NRG3: variants seen among roughly 807,000 people sequenced by gnomAD.
NRG3 encodes the protein neuregulin 3.
NRG3 carries 31 observed loss-of-function variants against 66.9 expected under a neutral mutation model. The observed-to-expected ratio is 0.46, with a 90% CI of 0.35 to 0.63. The LOEUF (loss-of-function observed/expected upper bound fraction) is 0.63, where lower values mean the gene tolerates loss of function less well. Ranked by LOEUF, NRG3 falls within the 20% of genes least tolerant of loss-of-function variation. The pLI, the probability that NRG3 is intolerant of heterozygous loss-of-function variation, is 0.00. For synonymous variants in NRG3, 393 were observed against 359.4 expected (o/e 1.09, Z -1.06); for missense variants, 910 against 878.9 (o/e 1.04, Z -0.45).
intron 2 of NRG3, among the ~76,000 whole-genome samples, chr10:82,523,022 G>A (rs898390033): frequency 1.3e-5 from 2 of 152,132 alleles, no homozygotes; most frequent in African/African-American, 4.8e-5. Flanking sequence ...ATCATGAACT[G>A]TGTACACCTT....
At chr10:82,083,008 T>C (rs2065482693) in intron 1 of NRG3, among the ~76,000 whole-genome samples, 1 of 151,888 alleles carries the variant, frequency 6.6e-6, no homozygotes, top group African/African-American at 2.4e-5. Flanking sequence ...GGTACAATCA[T>C]AGCTCACACT....
At chr10:82,660,196 C>CAAAAAAAAAAAAAAAAAA (rs58870828) in intron 2 of NRG3, among the ~76,000 whole-genome samples, 4 of 19,560 alleles carry the variant, frequency 2.0e-4, no homozygotes, top group African/African-American at 4.9e-4. Flanking sequence ...AACTCCCTCT[C>CAAAAAAAAAAAAAAAAAA]AAAAAAAAAA....
chr10:82,174,046 C>T (rs1036886853), intron 1 of NRG3, among the ~76,000 whole-genome samples: 6 of 151,980 alleles, frequency 3.9e-5, no homozygotes, highest in Non-Finnish European at 2.9e-5. Flanking sequence ...CAGTGGCTAC[C>T]GGAAATTACC....
chr10:82,246,253 A>G (rs2077238962), intron 1 of NRG3, among the ~76,000 whole-genome samples: 1 of 152,154 alleles, frequency 6.6e-6, no homozygotes. Context: ...ATCTGAAGAC[A>G]GTGATATTAG....
intron 1 of NRG3, among the ~76,000 whole-genome samples, chr10:81,909,143 T>C (rs1844876644): frequency 6.6e-6 from 1 of 152,214 alleles, no homozygotes; most frequent in South Asian, 2.1e-4. Flanking sequence ...ATCCTTGGCA[T>C]TCCTTGGCTT....
At chr10:82,098,335 CAT>C (rs146083601) in intron 1 of NRG3, among the ~76,000 whole-genome samples, 2 of 150,818 alleles carry the variant, frequency 1.3e-5, no homozygotes, top group Admixed American at 6.6e-5. Context: ...ATATATATGA[CAT>C]ATATATAGAT....
intron 1 of NRG3, among the ~76,000 whole-genome samples, chr10:82,338,528 T>C (rs1447177781): frequency 6.6e-6 from 1 of 152,200 alleles, no homozygotes; most frequent in Non-Finnish European, 1.5e-5. Flanking sequence ...TTCCTCACTT[T>C]CCACCCCAGG....
chr10:82,483,542 T>C (rs1484503988), intron 2 of NRG3, among the ~76,000 whole-genome samples: 1 of 152,234 alleles, frequency 6.6e-6, no homozygotes, highest in African/African-American at 2.4e-5. Context: ...GTAGTAGATG[T>C]AGTAGGTGTT....
At chr10:82,031,639 T>C (rs1346343656) in intron 1 of NRG3, among the ~76,000 whole-genome samples, 1 of 152,094 alleles carries the variant, frequency 6.6e-6, no homozygotes. Flanking sequence ...CTGCCACATA[T>C]GTAACAAAAG....
At chr10:82,198,469 T>A (rs1188409285) in intron 1 of NRG3, among the ~76,000 whole-genome samples, 1 of 152,160 alleles carries the variant, frequency 6.6e-6, no homozygotes, top group Admixed American at 6.5e-5. Context: ...TGCTGACTAT[T>A]TGAGTGGGAT....
At chr10:82,137,693 A>T (rs577696502) in intron 1 of NRG3, among the ~76,000 whole-genome samples, 1 of 152,228 alleles carries the variant, frequency 6.6e-6, no homozygotes, top group Non-Finnish European at 1.5e-5. Context: ...CAAAAAACAT[A>T]ACCCAGGCTT....
At chr10:82,896,078 G>A (rs563396405) in intron 4 of NRG3, among the ~76,000 whole-genome samples, 4 of 152,202 alleles carry the variant, frequency 2.6e-5, no homozygotes, top group Non-Finnish European at 4.4e-5. Flanking sequence ...TTTGAGTGGT[G>A]TTTAAGAAAT....
chr10:82,078,582 C>T (rs535860804), intron 1 of NRG3, among the ~76,000 whole-genome samples: 1 of 152,260 alleles, frequency 6.6e-6, no homozygotes, highest in Non-Finnish European at 1.5e-5. Context: ...GATCTCATGA[C>T]CTCGTGATCC....
chr10:82,570,449 T>G (rs2045660503), intron 2 of NRG3, among the ~76,000 whole-genome samples: 1 of 151,640 alleles, frequency 6.6e-6, no homozygotes, highest in Non-Finnish European at 1.5e-5. Context: ...TAGGGAGAGG[T>G]GATCTTTTTT....
chr10:82,188,162 C>T (rs1462640040), intron 1 of NRG3, among the ~76,000 whole-genome samples: 1 of 152,080 alleles, frequency 6.6e-6, no homozygotes, highest in African/African-American at 2.4e-5. Flanking sequence ...AATACACACA[C>T]CTACAGTATA....
At chr10:82,009,518 A>G (rs2061496387) in intron 1 of NRG3, among the ~76,000 whole-genome samples, 1 of 152,174 alleles carries the variant, frequency 6.6e-6, no homozygotes, top group African/African-American at 2.4e-5. Flanking sequence ...CTGTCCTTAC[A>G]CGACTTCCCC....
chr10:82,725,229 C>A (rs2494023), intron 2 of NRG3, among the ~76,000 whole-genome samples: 84,129 of 151,974 alleles, frequency 0.55, 23,897 homozygotes, highest in East Asian at 0.69. Flanking sequence ...TTCTGGCCAG[C>A]ATGCTGGTAT....
At chr10:82,784,084 C>A (rs1391499785) in intron 3 of NRG3, among the ~76,000 whole-genome samples, 1 of 151,916 alleles carries the variant, frequency 6.6e-6, no homozygotes, top group Non-Finnish European at 1.5e-5. Flanking sequence ...CTTTGACAAA[C>A]CTGAGAAAAA....
At chr10:82,106,363 C>T (rs1047161150) in intron 1 of NRG3, among the ~76,000 whole-genome samples, 5 of 152,188 alleles carry the variant, frequency 3.3e-5, no homozygotes, top group Admixed American at 2.6e-4. Flanking sequence ...CACAAGGCCA[C>T]AGTTCATATC....
Sources: allele counts gnomAD v4.1 joint callset (sites outside exome capture counted in the v4.1 genomes callset), GRCh38; gene constraint gnomAD v4.1.1; transcripts MANE v1.5; gene names NCBI Gene and HGNC (gene_info 2026-07-23, HGNC 2026-07-21).